Variants in ACMSD observed in about 807,000 individuals in gnomAD.
The protein encoded by ACMSD is aminocarboxymuconate semialdehyde decarboxylase.
Under a neutral mutation model 45.9 loss-of-function variants are expected in ACMSD, and 37 were observed. The ratio of observed to expected loss-of-function variants is 0.81; its 90% CI spans 0.62 to 1.06. The LOEUF is 1.06. Ranked by LOEUF, ACMSD falls within the 50% of genes least tolerant of loss-of-function variation. ACMSD has a pLI of 0.00. For missense variants in ACMSD, 434 were observed against 420.9 expected (o/e 1.03, Z -0.27); for synonymous variants, 138 against 148.8 (o/e 0.93, Z 0.53).
chr2:134,844,632 C>T (rs1407981898), intron 1 of ACMSD, among the ~76,000 whole-genome samples: 2 of 152,120 alleles, frequency 1.3e-5, no homozygotes, highest in Non-Finnish European at 2.9e-5. Flanking sequence ...TACTTCTGAC[C>T]TACTAGGATG....
chr2:134,864,737 GTTA>G (rs752144174), intron 5 of ACMSD, among the ~76,000 whole-genome samples: 42 of 152,298 alleles, frequency 2.8e-4, no homozygotes, highest in Non-Finnish European at 5.3e-4. Flanking sequence ...TGCTCATTGT[GTTA>G]TTGTTTATAC....
intron 2 of ACMSD, among the ~76,000 whole-genome samples, chr2:134,852,943 ACTTGAGGT>A (rs1406827040): frequency 1.3e-5 from 2 of 152,204 alleles, no homozygotes; most frequent in South Asian, 4.1e-4. Flanking sequence ...AGGGCAGATT[ACTTGAGGT>A]CAGGAGTTTG....
intron 2 of ACMSD, among the ~76,000 whole-genome samples, chr2:134,849,098 T>C (rs1687210838): frequency 1.3e-5 from 2 of 152,152 alleles, no homozygotes; most frequent in African/African-American, 4.8e-5. Flanking sequence ...GACAGGCAGC[T>C]GTGATTTTTT....
intron 8 of ACMSD, among the ~76,000 whole-genome samples, chr2:134,875,687 TCACAGAAAATACA>T (rs1318781431): frequency 6.6e-6 from 1 of 152,226 alleles, no homozygotes; most frequent in Admixed American, 6.5e-5. Context: ...ATTAACATGA[TCACAGAAAATACA>T]CTTCACTATT....
intron 7 of ACMSD, among the ~76,000 whole-genome samples, chr2:134,871,511 G>T (rs1217212960): frequency 4.8e-5 from 7 of 145,616 alleles, no homozygotes; most frequent in East Asian, 2.0e-4. Flanking sequence ...TTTTGTCATT[G>T]TTTTTTTTTT....
chr2:134,879,031 T>C (rs1292989634), intron 8 of ACMSD, among the ~76,000 whole-genome samples: 1 of 152,224 alleles, frequency 6.6e-6, no homozygotes, highest in African/African-American at 2.4e-5. Context: ...AACAAAGACA[T>C]TATAGTCACA....
At chr2:134,895,328 T>TTA (rs199775999) in intron 8 of ACMSD, among the ~76,000 whole-genome samples, 158 of 141,586 alleles carry the variant, frequency 1.1e-3, no homozygotes, top group African/African-American at 3.9e-3. Context: ...TATATATATG[T>TTA]TATATATATA....
chr2:134,841,758 T>C lies in ACMSD; in HGVS notation c.57+3019T>C, dbSNP rs140734088. Among the ~76,000 whole-genome samples the C allele has an allele frequency of 1.9e-3, 297 of 152,356 alleles. 3 individuals carry two copies. Among genetic ancestry groups the C allele is most frequent in the African/African-American group, 7.0e-3 (290 of 41,590 alleles). ...CCTACTGTCTGCCCAATAGTAGGGC[T>C]TGCAAAGATTCTTCTAATTATAAAT... On this transcript the variant is annotated intron_variant, in intron 1 of 9. Coordinates refer to ENST00000356140, the MANE Select transcript of ACMSD (RefSeq NM_138326.3).
At chr2:134,862,644 A>G (rs1307612788) in intron 4 of ACMSD, among the ~76,000 whole-genome samples, 2 of 152,228 alleles carry the variant, frequency 1.3e-5, no homozygotes, top group African/African-American at 4.8e-5. Context: ...ATCTGTGTTC[A>G]TAAATCCAGT....
intron 5 of ACMSD, among the ~76,000 whole-genome samples, chr2:134,865,817 T>C (rs1688070422): frequency 6.6e-6 from 1 of 152,132 alleles, no homozygotes; most frequent in South Asian, 2.1e-4. Flanking sequence ...ACAACTTCGT[T>C]ATTGGTATAA....
chr2:134,861,270 G>C (rs1353402896), intron 3 of ACMSD, among the ~76,000 whole-genome samples: 2 of 152,118 alleles, frequency 1.3e-5, no homozygotes, highest in African/African-American at 2.4e-5. Flanking sequence ...GAGAAAACTA[G>C]TGAGCATGAG....
At chr2:134,885,006 G>C (rs990102585) in intron 8 of ACMSD, among the ~76,000 whole-genome samples, 1 of 151,146 alleles carries the variant, frequency 6.6e-6, no homozygotes, top group Non-Finnish European at 1.5e-5. Flanking sequence ...GACCAGCCTG[G>C]CCAACATGGT....
chr2:134,888,149 T>G (rs1332924491), intron 8 of ACMSD, among the ~76,000 whole-genome samples: 4 of 152,086 alleles, frequency 2.6e-5, no homozygotes, highest in Admixed American at 2.0e-4. Flanking sequence ...TATCCAAAAT[T>G]TATAAAGAAC....
intron 8 of ACMSD, among the ~76,000 whole-genome samples, chr2:134,882,684 G>T (rs539734510): frequency 6.6e-6 from 1 of 152,348 alleles, no homozygotes; most frequent in African/African-American, 2.4e-5. Context: ...TTTGGATTAA[G>T]TTATGTTATA....
chr2:134,854,225 C>T (rs187857704), intron 2 of ACMSD, among the ~76,000 whole-genome samples: 1 of 152,324 alleles, frequency 6.6e-6, no homozygotes, highest in South Asian at 2.1e-4. Context: ...ATTGAGCATG[C>T]TCTCTGGCCT....
chr2:134,885,358 T>A (rs1444147382), intron 8 of ACMSD, among the ~76,000 whole-genome samples: 2 of 104,116 alleles, frequency 1.9e-5, no homozygotes, highest in African/African-American at 4.1e-5. Context: ...TAATATATAT[T>A]TACATATATA....
chr2:134,898,222 A>C, intron 8 of ACMSD, 119 bp from the exon 9 acceptor site: 1 of 556,272 alleles, frequency 1.8e-6, no homozygotes, highest in Admixed American at 4.0e-5. Context: ...TGTTTCTATT[A>C]ATCAGGAAAA....
At chr2:134,879,216 T>C (rs1241124322) in intron 8 of ACMSD, among the ~76,000 whole-genome samples, 1 of 152,196 alleles carries the variant, frequency 6.6e-6, no homozygotes, top group Non-Finnish European at 1.5e-5. Flanking sequence ...CCTGTTGTAG[T>C]TGACAGCATT....
chr2:134,869,402 AG>A (rs1216059250), intron 6 of ACMSD, among the ~76,000 whole-genome samples: 1 of 151,980 alleles, frequency 6.6e-6, no homozygotes, highest in Non-Finnish European at 1.5e-5. Context: ...TAGTAGAGAC[AG>A]GGTTTCACCA....
Sources: gnomAD v4.1 joint callset for allele counts (sites outside exome capture counted in the v4.1 genomes callset) on GRCh38, gnomAD v4.1.1 for gene constraint, MANE v1.5 for transcripts, NCBI Gene and HGNC (gene_info 2026-07-23, HGNC 2026-07-21) for gene names.